Variants in UNC5C observed in about 807,000 individuals in gnomAD.
UNC5C encodes unc-5 netrin receptor C, also known as netrin receptor UNC5C.
In UNC5C, 47 loss-of-function variants were observed where a neutral mutation model predicts 99.8. The observed-to-expected ratio is 0.47, with a 90% CI of 0.37 to 0.60. The LOEUF (loss-of-function observed/expected upper bound fraction) is 0.60, where lower values mean the gene tolerates loss of function less well. Ranked by LOEUF, UNC5C falls within the 20% of genes least tolerant of loss-of-function variation. UNC5C has a pLI of 0.00. For synonymous variants in UNC5C, 487 were observed against 452.2 expected, an observed-to-expected ratio of 1.08 and a Z score of -0.98; for missense variants, 1,062 against 1,165.9, an observed-to-expected ratio of 0.91 and a Z score of 1.30.
chr4:95,421,581 A>G (rs1334439874), intron 1 of UNC5C, among the ~76,000 whole-genome samples: 3 of 150,932 alleles, frequency 2.0e-5, no homozygotes, highest in African/African-American at 4.9e-5. Context: ...GAATGTTAAA[A>G]CCAAGATTGC....
At chr4:95,292,705 G>A (rs1741522808) in intron 3 of UNC5C, among the ~76,000 whole-genome samples, 1 of 152,082 alleles carries the variant, frequency 6.6e-6, no homozygotes, top group East Asian at 1.9e-4. Context: ...GCTACCTGAT[G>A]TTCTTGAATT....
At chr4:95,480,708 G>A (rs144845728) in intron 1 of UNC5C, among the ~76,000 whole-genome samples, 9,907 of 151,914 alleles carry the variant, frequency 0.065, 402 homozygotes, top group Non-Finnish European at 0.095. Flanking sequence ...TTCAATGTAC[G>A]CAAATCAATA....
intron 1 of UNC5C, among the ~76,000 whole-genome samples, chr4:95,511,792 TG>T (rs1722082998): frequency 6.6e-6 from 1 of 151,598 alleles, no homozygotes; most frequent in South Asian, 2.1e-4. Context: ...ACCAATGCAA[TG>T]GAAAAAAAAA....
At chr4:95,361,832 T>A (rs1251894953) in intron 1 of UNC5C, among the ~76,000 whole-genome samples, 1 of 152,166 alleles carries the variant, frequency 6.6e-6, no homozygotes. Flanking sequence ...TGAATCATAC[T>A]GAACCAAAGG....
At chr4:95,269,379 C>T (rs1040077461) in intron 4 of UNC5C, among the ~76,000 whole-genome samples, 1 of 152,132 alleles carries the variant, frequency 6.6e-6, no homozygotes, top group South Asian at 2.1e-4. Context: ...GCTGTGGCTT[C>T]GACCTCCCAG....
At chr4:95,329,567 G>T (rs1423471224) in intron 2 of UNC5C, among the ~76,000 whole-genome samples, 1 of 152,126 alleles carries the variant, frequency 6.6e-6, no homozygotes, top group Non-Finnish European at 1.5e-5. Flanking sequence ...GGATCCTGAT[G>T]ACATCTCCTT....
At chr4:95,249,724 G>A (rs1032521110) in intron 5 of UNC5C, among the ~76,000 whole-genome samples, 2 of 152,166 alleles carry the variant, frequency 1.3e-5, no homozygotes, top group African/African-American at 4.8e-5. Context: ...TTAGAGATGA[G>A]CTGGCTTAGA....
intron 1 of UNC5C, among the ~76,000 whole-genome samples, chr4:95,446,499 A>G (rs2149465559): frequency 6.6e-6 from 1 of 151,680 alleles, no homozygotes; most frequent in East Asian, 1.9e-4. Flanking sequence ...GCGAGGAAAC[A>G]AGTAAGTGTG....
intron 1 of UNC5C, among the ~76,000 whole-genome samples, chr4:95,540,433 G>A (rs1035043083): frequency 7.2e-5 from 11 of 152,140 alleles, no homozygotes; most frequent in African/African-American, 2.7e-4. Context: ...TGCTCTGTGG[G>A]TGATGGCTGT....
chr4:95,271,173 C>T (rs886341958), intron 4 of UNC5C, among the ~76,000 whole-genome samples: 2 of 152,202 alleles, frequency 1.3e-5, no homozygotes, highest in Non-Finnish European at 2.9e-5. Context: ...TTGCCTGCTG[C>T]TGAATCTCTA....
chr4:95,308,792 A>G (rs1742157398), intron 2 of UNC5C, among the ~76,000 whole-genome samples: 1 of 151,120 alleles, frequency 6.6e-6, no homozygotes, highest in Non-Finnish European at 1.5e-5. Flanking sequence ...AAGAACAAGA[A>G]AAACATGAAT....
At chr4:95,197,370 A>T (rs943800812) in intron 12 of UNC5C, among the ~76,000 whole-genome samples, 2 of 152,010 alleles carry the variant, frequency 1.3e-5, no homozygotes, top group South Asian at 2.1e-4. Flanking sequence ...AATCCCCAGC[A>T]CATAGCAGTT....
chr4:95,526,729 G>A (rs1421395080), intron 1 of UNC5C, among the ~76,000 whole-genome samples: 1 of 151,608 alleles, frequency 6.6e-6, no homozygotes, highest in African/African-American at 2.4e-5. Flanking sequence ...GGGCCTAAAT[G>A]GTCTTCTCAT....
chr4:95,316,305 T>C (rs1400422569), intron 2 of UNC5C, among the ~76,000 whole-genome samples: 1 of 152,002 alleles, frequency 6.6e-6, no homozygotes, highest in Non-Finnish European at 1.5e-5. Context: ...GCAAAGGAAA[T>C]AATAAATAAA....
chr4:95,281,282 T>C (rs1352296820), intron 3 of UNC5C, among the ~76,000 whole-genome samples: 1 of 152,222 alleles, frequency 6.6e-6, no homozygotes, highest in Non-Finnish European at 1.5e-5. Flanking sequence ...TAACATTTAT[T>C]CATTGTCTCC....
intron 1 of UNC5C, among the ~76,000 whole-genome samples, chr4:95,497,010 C>T (rs1230257950): frequency 1.3e-5 from 2 of 151,924 alleles, no homozygotes; most frequent in East Asian, 3.9e-4. Flanking sequence ...GACATTATTT[C>T]ATTCCTTTTT....
intron 1 of UNC5C, among the ~76,000 whole-genome samples, chr4:95,419,424 A>G (rs1249797292): frequency 1.3e-5 from 2 of 152,188 alleles, no homozygotes; most frequent in Non-Finnish European, 2.9e-5. Flanking sequence ...TTTCTGTTAA[A>G]CCATTTTACC....
At chr4:95,201,346 T>C (rs1284742659) in intron 12 of UNC5C, among the ~76,000 whole-genome samples, 1 of 152,086 alleles carries the variant, frequency 6.6e-6, no homozygotes, top group Non-Finnish European at 1.5e-5. Context: ...CTTTTTAGGC[T>C]TGTTCTCTCC....
intron 1 of UNC5C, among the ~76,000 whole-genome samples, chr4:95,403,237 A>G (rs1051303649): frequency 6.6e-6 from 1 of 152,204 alleles, no homozygotes; most frequent in Non-Finnish European, 1.5e-5. Context: ...TATTATTGAA[A>G]TCCCAAAGGC....
Sources: allele counts gnomAD v4.1 joint callset (sites outside exome capture counted in the v4.1 genomes callset), GRCh38; gene constraint gnomAD v4.1.1; transcripts MANE v1.5; gene names NCBI Gene and HGNC (gene_info 2026-07-23, HGNC 2026-07-21).